The following TMEM39B variants were observed in gnomAD, a reference collection of about 807,000 sequenced individuals.
TMEM39B encodes the protein transmembrane protein 39B.
TMEM39B carries 23 observed loss-of-function variants against 52.2 expected under a neutral mutation model. The ratio of observed to expected loss-of-function variants is 0.44; its 90% CI spans 0.32 to 0.62. The LOEUF (loss-of-function observed/expected upper bound fraction) is 0.62. TMEM39B is among the 20% of genes least tolerant of loss of function. TMEM39B has a pLI of 0.06. For synonymous variants in TMEM39B, 285 were observed against 264.0 expected (o/e 1.08, Z -0.77); for missense variants, 547 against 642.0 (o/e 0.85, Z 1.60).
intron 1 of TMEM39B, chr1:32,073,427 G>C: frequency 1.7e-6 from 1 of 581,728 alleles, no homozygotes; most frequent in Non-Finnish European, 2.3e-6. Flanking sequence ...GTTACACTGG[G>C]GGCGGTGGAG....
chr1:32,095,080 G>A (rs915640443), intron 7 of TMEM39B, 109 bp downstream of exon 7: 18 of 1,311,926 alleles, frequency 1.4e-5, no homozygotes, highest in East Asian at 1.3e-4. Flanking sequence ...GTTATTGAGC[G>A]TGTCTTGTAT....
chr1:32,099,267 CAAT>C (rs1272253217), intron 7 of TMEM39B, among the ~76,000 whole-genome samples: 1 of 145,092 alleles, frequency 6.9e-6, no homozygotes, highest in Non-Finnish European at 1.5e-5. Context: ...TGGAATTGAA[CAAT>C]GAGAACACTT....
rs3831938 is a variant in TMEM39B, at chr1:32,075,839, GGTGT to G, written c.351+39_351+42del. On this transcript the variant is annotated intron_variant, in intron 3 of 8. Transcript: ENST00000336294. ...ACCTCCCTGGTAGGTACCCAACAAG[GGTGT>G]GTGTGTGTGTGTGTGTGTGTGCGTG... 10,076 of 1,240,274 alleles carry G rather than the reference GGTGT, an allele frequency of 8.1e-3. 94 individuals are homozygous for G. The highest frequency in any genetic ancestry group is 0.056 in the African/African-American group (3,595 of 64,022). The allele number at this position is 1,240,274 out of a possible 1,614,324, so 76.8% of individuals were successfully genotyped here. A position where few individuals can be genotyped will look rare whatever the true frequency, so the allele number is the denominator to read the frequency against.
chr1:32,081,032 A>AAAAT (rs1272817010), intron 5 of TMEM39B, among the ~76,000 whole-genome samples: 11 of 152,014 alleles, frequency 7.2e-5, no homozygotes, highest in Admixed American at 2.6e-4. Context: ...CCTGTCTCTA[A>AAAAT]AAATAAATAA....
At chr1:32,088,024 G>A (rs1640440150) in intron 5 of TMEM39B, among the ~76,000 whole-genome samples, 1 of 150,896 alleles carries the variant, frequency 6.6e-6, no homozygotes, top group African/African-American at 2.4e-5. Flanking sequence ...TACTCAGGAG[G>A]CTGAGGCAGA....
At chr1:32,072,693 C>T (rs1282544357), upstream of TMEM39B, among the ~76,000 whole-genome samples, 1 of 152,186 alleles carries the variant, frequency 6.6e-6, no homozygotes, top group Non-Finnish European at 1.5e-5. Flanking sequence ...TCCGCACCCT[C>T]CTCCGGTCGC....
At chr1:32,093,474 C>A (rs1221042609) in intron 6 of TMEM39B, among the ~76,000 whole-genome samples, 1 of 131,846 alleles carries the variant, frequency 7.6e-6, no homozygotes, top group African/African-American at 2.8e-5. Flanking sequence ...TGCAGTGGCG[C>A]AATCTTGGCT....
At chr1:32,090,445 T>A (rs1557432685) in intron 5 of TMEM39B, among the ~76,000 whole-genome samples, 1 of 151,710 alleles carries the variant, frequency 6.6e-6, no homozygotes. Flanking sequence ...TACTTATACC[T>A]CTCTTGTGCG....
chr1:32,083,957 C>T (rs184736789), intron 5 of TMEM39B, among the ~76,000 whole-genome samples: 144 of 149,046 alleles, frequency 9.7e-4, no homozygotes, highest in African/African-American at 3.6e-3. Flanking sequence ...TGCACTCCAG[C>T]GTGGGCAATA....
chr1:32,098,760 C>T (rs910568571), intron 7 of TMEM39B, among the ~76,000 whole-genome samples: 1 of 152,078 alleles, frequency 6.6e-6, no homozygotes, highest in African/African-American at 2.4e-5. Context: ...GAAAGCTCAC[C>T]GGTCCTAGCA....
In TMEM39B at chr1:32,073,183, G is replaced by A. The variant is rs868520603; in HGVS notation, c.4+132G>A. ...GGGGAGGGGATGCGAGCGCAGACGGGATCCCGCCCCCTCCTGTCGTTTTGC... is the reference window on the plus strand; with the variant it reads ...GGGGAGGGGATGCGAGCGCAGACGGAATCCCGCCCCCTCCTGTCGTTTTGC... On this transcript the variant is annotated intron_variant, in intron 1 of 8. Transcript: ENST00000336294. 4 of 1,161,884 alleles carry A rather than the reference G, an allele frequency of 3.4e-6. No individual in the cohort carries two copies. In the Middle Eastern group the frequency reaches 8.2e-4, roughly 237 times the overall value. The allele number at this position is 1,161,884 out of a possible 1,614,324, so 72.0% of individuals were successfully genotyped here.
intron 5 of TMEM39B, among the ~76,000 whole-genome samples, chr1:32,079,780 T>TG (rs1411840680): frequency 1.3e-5 from 2 of 151,818 alleles, no homozygotes; most frequent in Non-Finnish European, 2.9e-5. Context: ...CAATTTTTTT[T>TG]TTTTTCTGAG....
At chr1:32,073,229 G>C in intron 1 of TMEM39B, 178 bp downstream of exon 1, 1 of 743,246 alleles carries the variant, frequency 1.3e-6, no homozygotes, top group Middle Eastern at 4.1e-4. Context: ...CTCTGTTGTG[G>C]GGGCGGGACA....
At chr1:32,073,149 T>G in intron 1 of TMEM39B, 98 bp downstream of exon 1, 1 of 1,340,794 alleles carries the variant, frequency 7.5e-7, no homozygotes, top group South Asian at 1.8e-5. Context: ...AGGAGCCCGG[T>G]GACGGGAGGG....
At chr1:32,072,567 T>G, upstream of TMEM39B, 1 of 160,982 alleles carries the variant, frequency 6.2e-6, no homozygotes, top group South Asian at 1.7e-4. Flanking sequence ...TTGACTGGGG[T>G]GGACTAAAGC....
Position 32,074,941 on chromosome 1 carries a change from AG to A in TMEM39B, c.5-9del, listed in dbSNP as rs767685083. ...TGGCTTGAGGCTCTATTTTATGTTG[AG>A]CCCCACAGGAGGACGAAGAGGTCCC... On this transcript the variant is annotated splice_polypyrimidine_tract_variant and intron_variant, in intron 1 of 8. Coordinates refer to ENST00000336294, the MANE Select transcript of TMEM39B (RefSeq NM_018056.4). 1.9e-6 allele frequency: 3 copies of A among 1,548,738 alleles called. No individual in the cohort carries two copies. The highest frequency in any genetic ancestry group is 2.6e-6 in the Non-Finnish European group (3 of 1,145,538).
At chr1:32,076,470 A>T (rs1172563430) in intron 3 of TMEM39B, 1 of 503,076 alleles carries the variant, frequency 2.0e-6, no homozygotes, top group Non-Finnish European at 3.7e-6. Context: ...TGAGTGCTTC[A>T]AGGGGAGGAA....
chr1:32,095,021 T>G, intron 7 of TMEM39B, 50 bp downstream of exon 7: 1 of 1,589,880 alleles, frequency 6.3e-7, no homozygotes, highest in Non-Finnish European at 8.6e-7. Context: ...CTGGTCAGCA[T>G]CTGGAGTCAC....
chr1:32,074,397 T>G (rs1639765577), intron 1 of TMEM39B, among the ~76,000 whole-genome samples: 1 of 152,144 alleles, frequency 6.6e-6, no homozygotes, highest in Non-Finnish European at 1.5e-5. Context: ...AAGCTGAGTT[T>G]CCTAATGTGT....
Sources: allele counts gnomAD v4.1 joint callset (sites outside exome capture counted in the v4.1 genomes callset), GRCh38; gene constraint gnomAD v4.1.1; transcripts MANE v1.5; gene names NCBI Gene and HGNC (gene_info 2026-07-23, HGNC 2026-07-21).